The following CFAP57 variants were observed in gnomAD, a reference collection of about 807,000 sequenced individuals.
The protein encoded by CFAP57 is cilia and flagella associated protein 57, also known as cilia- and flagella-associated protein 57.
CFAP57 carries 116 observed loss-of-function variants against 146.8 expected under a neutral mutation model. The observed-to-expected ratio is 0.79, with a 90% CI of 0.68 to 0.92. The LOEUF (loss-of-function observed/expected upper bound fraction) is 0.92. Ranked by LOEUF, CFAP57 falls within the 40% of genes least tolerant of loss-of-function variation. The probability of loss-of-function intolerance (pLI) is 0.00; values close to 1 mark genes in which losing one functional copy is unlikely to be tolerated. For missense variants in CFAP57, 1,377 were observed against 1,527.2 expected (o/e 0.90, Z 1.64); for synonymous variants, 518 against 552.8 (o/e 0.94, Z 0.88).
chr1:43,221,538 C>A, intron 14 of CFAP57, 73 bp downstream of exon 14: 1 of 1,008,062 alleles, frequency 9.9e-7, no homozygotes, highest in Non-Finnish European at 1.4e-6. Context: ...TCAAGAGTCC[C>A]CCAGACACAG....
chr1:43,181,476 T>C, intron 2 of CFAP57, 58 bp from the exon 3 acceptor site: 1 of 1,600,244 alleles, frequency 6.2e-7, no homozygotes, highest in Non-Finnish European at 8.5e-7. Context: ...CTGGTTCCTG[T>C]TGAACCCTGG....
chr1:43,200,697 G>A (rs6657760), intron 9 of CFAP57, among the ~76,000 whole-genome samples: 64 of 152,186 alleles, frequency 4.2e-4, no homozygotes, highest in Non-Finnish European at 7.2e-4. Context: ...ATGATGAAAT[G>A]GAGGTATGAA....
chr1:43,254,198 C>A lies in CFAP57; in HGVS notation c.*7C>A. 6.5e-7 allele frequency: 1 copy of A among 1,542,768 alleles called. No homozygotes were observed. The highest frequency in any genetic ancestry group is 8.8e-7 in the Non-Finnish European group (1 of 1,142,670). ...AGAGGTGAAGACCAACTGACCCCCT[C>A]TGGTGAGCCATCTCCAGCCACAGCC... On this transcript the variant is annotated 3_prime_UTR_variant, in exon 23 of 23. Coordinates refer to ENST00000372492, the MANE Select transcript of CFAP57 (RefSeq NM_001378189.1).
At chr1:43,186,671 G>A in intron 5 of CFAP57, 36 bp from the exon 6 acceptor site, 1 of 1,608,260 alleles carries the variant, frequency 6.2e-7, no homozygotes, top group South Asian at 1.1e-5. Context: ...TGACAACGTG[G>A]GGACATTACT....
At chr1:43,196,368 A>G (rs1569987081) in intron 6 of CFAP57, 1 of 153,212 alleles carries the variant, frequency 6.5e-6, no homozygotes, top group Non-Finnish European at 1.5e-5. Flanking sequence ...AATAACAATA[A>G]CCTGTGCCTG....
At chr1:43,227,783 G>A (rs370566462) in intron 18 of CFAP57, among the ~76,000 whole-genome samples, 92 of 152,170 alleles carry the variant, frequency 6.0e-4, no homozygotes, top group Non-Finnish European at 1.2e-3. Flanking sequence ...TGACAGTGGC[G>A]TCCATGTTGA....
chr1:43,232,072 C>T (rs1246810216), intron 18 of CFAP57: 1 of 701,288 alleles, frequency 1.4e-6, no homozygotes, highest in East Asian at 2.7e-5. Flanking sequence ...TTAGAATGAC[C>T]CCATTCTAAA....
rs372796510 is a variant in CFAP57, at chr1:43,179,028, C to T, written c.158-2506C>T. On this transcript the variant is annotated intron_variant, in intron 2 of 22. Coordinates refer to ENST00000372492, the MANE Select transcript of CFAP57 (RefSeq NM_001378189.1). ...GAAACCATCATTCTGAGCAAACTGTCGCAAGGACAAAAAACCAAACACCGC... is the reference window on the plus strand; with the variant it reads ...GAAACCATCATTCTGAGCAAACTGTTGCAAGGACAAAAAACCAAACACCGC... 6.2e-4 allele frequency among the ~76,000 whole-genome samples: 94 copies of T among 152,104 alleles called. 1 individual carries two copies. The highest frequency in any genetic ancestry group is 1.9e-3 in the South Asian group (9 of 4,812).
At chr1:43,206,524 C>T in intron 9 of CFAP57, 196 bp from the exon 10 acceptor site, 1 of 596,288 alleles carries the variant, frequency 1.7e-6, no homozygotes, top group Non-Finnish European at 3.0e-6. Context: ...GTTTCATCTT[C>T]AGTAATTTGC....
At chr1:43,189,510 G>T (rs1391616545) in intron 6 of CFAP57, among the ~76,000 whole-genome samples, 1 of 152,028 alleles carries the variant, frequency 6.6e-6, no homozygotes, top group Non-Finnish European at 1.5e-5. Flanking sequence ...ATTGTAAATT[G>T]AATTATTTTC....
At chr1:43,173,005 C>A in intron 2 of CFAP57, 95 bp downstream of exon 2, 1 of 1,142,228 alleles carries the variant, frequency 8.8e-7, no homozygotes, top group Non-Finnish European at 1.3e-6. Flanking sequence ...AGATTTTGGC[C>A]AATTTGAATA....
chr1:43,189,754 CTG>C (rs1461621989), intron 6 of CFAP57, among the ~76,000 whole-genome samples: 3 of 152,174 alleles, frequency 2.0e-5, no homozygotes, highest in African/African-American at 7.2e-5. Context: ...GTGCTGGCAT[CTG>C]CTTCTGGTAA....
At position 43,253,986 on chromosome 1, in the gene CFAP57, G is replaced by A. The variant is rs1325285681; in HGVS notation, c.3548G>A (p.Arg1183Lys). The A allele has an allele frequency of 6.4e-7, 1 of 1,550,454 alleles. No individual in the cohort carries two copies. The highest frequency in any genetic ancestry group is 8.7e-7 in the Non-Finnish European group (1 of 1,146,998). Residue 1183 changes from arginine (R) to lysine (K), a missense_variant, in exon 23 of 23, where the codon AGG (arginine) becomes AAG (lysine). Physicochemically the swap from Arg to Lys is conservative, Grantham distance 26. Coordinates refer to ENST00000372492, the MANE Select transcript of CFAP57 (RefSeq NM_001378189.1). ...CTGTTGTCTCTTACAGAACCCAGCAGGGACATGCTCAGCACAGCTCCCACC... is the reference window on the plus strand; with the variant it reads ...CTGTTGTCTCTTACAGAACCCAGCAAGGACATGCTCAGCACAGCTCCCACC... ...PQEVSETEPSRDMLSTAPTAR... is the reference protein window; with the variant it reads ...PQEVSETEPSKDMLSTAPTAR...
In CFAP57 at chr1:43,222,852, G is replaced by A. The variant is rs1214941598; in HGVS notation, c.2561G>A (p.Arg854Gln). 4.5e-5 allele frequency: 70 copies of A among 1,547,880 alleles called. No individual in the cohort carries two copies. The highest frequency in any genetic ancestry group is 1.7e-4 in the Middle Eastern group (1 of 6,000). ...CAGGAAGACGTCAGGCAGCAGCTGCGGGAGTTTGAAGAGACCAAGAAGCAG... is the reference window on the plus strand; with the variant it reads ...CAGGAAGACGTCAGGCAGCAGCTGCAGGAGTTTGAAGAGACCAAGAAGCAG... ...EAQEDVRQQL[R>Q]EFEETKKQIE... The change falls in exon 16 of 23, where the codon CGG (arginine) becomes CAG (glutamine). Residue 854 changes from arginine to glutamine, a missense_variant. Arg to Gln is a conservative substitution (Grantham distance 43). Transcript: ENST00000372492.
At chr1:43,192,201 G>A (rs1214261839) in intron 6 of CFAP57, among the ~76,000 whole-genome samples, 1 of 152,216 alleles carries the variant, frequency 6.6e-6, no homozygotes, top group Admixed American at 6.5e-5. Flanking sequence ...TGAGAAGAAT[G>A]TATATTCTGT....
intron 16 of CFAP57, among the ~76,000 whole-genome samples, chr1:43,223,404 G>A (rs1362296434): frequency 6.6e-6 from 1 of 152,236 alleles, no homozygotes; most frequent in Non-Finnish European, 1.5e-5. Context: ...TCTTGGTCCA[G>A]GGAGTCATGG....
intron 11 of CFAP57, chr1:43,210,272 A>AT: frequency 6.9e-7 from 1 of 1,457,170 alleles, no homozygotes; most frequent in Non-Finnish European, 9.0e-7. Flanking sequence ...GAAAGGAGCC[A>AT]TAGCCCTGAA....
intron 10 of CFAP57, among the ~76,000 whole-genome samples, 156 bp from the exon 11 acceptor site, chr1:43,209,587 T>C (rs561731775): frequency 6.6e-6 from 1 of 152,312 alleles, no homozygotes; most frequent in East Asian, 1.9e-4. Context: ...TTTTTTGTGC[T>C]AGGCACTATA....
At chr1:43,212,680 C>T (rs1287072322) in intron 11 of CFAP57, among the ~76,000 whole-genome samples, 1 of 152,068 alleles carries the variant, frequency 6.6e-6, no homozygotes, top group Non-Finnish European at 1.5e-5. Context: ...TGCCTGTGAT[C>T]CCAACACTTT....
Sources: allele counts gnomAD v4.1 joint callset (sites outside exome capture counted in the v4.1 genomes callset), GRCh38; gene constraint gnomAD v4.1.1; transcripts MANE v1.5; gene names NCBI Gene and HGNC (gene_info 2026-07-23, HGNC 2026-07-21).